ADGRL3: variants seen among roughly 807,000 people sequenced by gnomAD.
ADGRL3 encodes the protein calcium-independent alpha-latrotoxin receptor 3.
A neutral mutation model predicts 153.5 loss-of-function variants in ADGRL3; 62 were observed. The ratio of observed to expected loss-of-function variants is 0.40; its 90% CI spans 0.33 to 0.50. ADGRL3 has a LOEUF of 0.50. ADGRL3 is among the 20% of genes least tolerant of loss of function. The probability of loss-of-function intolerance (pLI) is 0.47; values close to 1 mark genes in which losing one functional copy is unlikely to be tolerated. For synonymous variants in ADGRL3, 710 were observed against 672.5 expected (o/e 1.06, Z -0.86); for missense variants, 1,641 against 1,859.4 (o/e 0.88, Z 2.16).
At chr4:61,757,377 A>G (rs1165717494) in intron 8 of ADGRL3, among the ~76,000 whole-genome samples, 1 of 152,002 alleles carries the variant, frequency 6.6e-6, no homozygotes, top group East Asian at 1.9e-4. Flanking sequence ...GAATTTTTCC[A>G]TTTCTTCTAG....
At chr4:61,600,205 G>A (rs935310282) in intron 5 of ADGRL3, among the ~76,000 whole-genome samples, 1 of 151,226 alleles carries the variant, frequency 6.6e-6, no homozygotes, top group African/African-American at 2.4e-5. Context: ...CTATTCAGGA[G>A]GCTGAGGCAG....
At chr4:61,316,432 G>T (rs2095216667) in intron 1 of ADGRL3, among the ~76,000 whole-genome samples, 1 of 152,138 alleles carries the variant, frequency 6.6e-6, no homozygotes, top group African/African-American at 2.4e-5. Context: ...AATTAGGTTG[G>T]TCAAAAGTAG....
intron 9 of ADGRL3, among the ~76,000 whole-genome samples, chr4:61,818,745 T>C (rs569503847): frequency 2.0e-4 from 30 of 152,220 alleles, no homozygotes; most frequent in African/African-American, 6.5e-4. Flanking sequence ...CTACTTCTTA[T>C]TCGATTTAGG....
chr4:61,605,259 C>T (rs370997759), intron 5 of ADGRL3, among the ~76,000 whole-genome samples: 33 of 151,952 alleles, frequency 2.2e-4, no homozygotes, highest in African/African-American at 7.5e-4. Flanking sequence ...CCTTTAAATT[C>T]GTCTCATTAT....
At chr4:61,644,418 T>C (rs910567590) in intron 5 of ADGRL3, among the ~76,000 whole-genome samples, 11 of 152,168 alleles carry the variant, frequency 7.2e-5, no homozygotes, top group African/African-American at 9.7e-5. Flanking sequence ...CTTTCTCTTG[T>C]GGGCATTTAG....
chr4:61,369,703 T>C lies in ADGRL3; in HGVS notation c.-239-13421T>C, dbSNP rs150479316. ...GGTCTAAAGTTATCCTTTTTGGTTGTGTCTCTGCCCGGTTTGGTATCAGAA... is the reference window on the plus strand; with the variant it reads ...GGTCTAAAGTTATCCTTTTTGGTTGCGTCTCTGCCCGGTTTGGTATCAGAA... On this transcript the variant is annotated intron_variant, in intron 1 of 26. Coordinates refer to ENST00000683033, the MANE Select transcript of ADGRL3 (RefSeq NM_001387552.1). Among the ~76,000 whole-genome samples, 18 of 152,282 alleles carry C rather than the reference T, an allele frequency of 1.2e-4. 1 individual carries two copies. Among genetic ancestry groups the C allele is most frequent in the African/African-American group, 4.3e-4 (18 of 41,562 alleles).
chr4:61,632,089 T>C (rs2093202313), intron 5 of ADGRL3, among the ~76,000 whole-genome samples: 1 of 152,192 alleles, frequency 6.6e-6, no homozygotes, highest in Non-Finnish European at 1.5e-5. Context: ...TAATTACTAA[T>C]AGGACAAGTC....
rs183922195 is a variant in ADGRL3, at chr4:61,706,037, T to C, written c.584-24585T>C. On this transcript the variant is annotated intron_variant, in intron 6 of 26. Coordinates refer to ENST00000683033, the MANE Select transcript of ADGRL3 (RefSeq NM_001387552.1). ...TTAAATTCAAATCTGCATTGGCTTG[T>C]AATAAGAGACTAGCTTGTTACTGAA... 1.3e-3 allele frequency among the ~76,000 whole-genome samples: 196 copies of C among 152,308 alleles called. 2 individuals carry two copies. Among genetic ancestry groups the C allele is most frequent in the African/African-American group, 4.4e-3 (183 of 41,574 alleles).
At chr4:61,476,723 A>AAC (rs2098063026) in intron 2 of ADGRL3, among the ~76,000 whole-genome samples, 1 of 148,364 alleles carries the variant, frequency 6.7e-6, no homozygotes, top group African/African-American at 2.5e-5. Context: ...AAAAAAAAAA[A>AAC]AAAAAAAAAA....
intron 2 of ADGRL3, among the ~76,000 whole-genome samples, chr4:61,393,874 G>T (rs1452177398): frequency 6.6e-6 from 1 of 152,020 alleles, no homozygotes. Flanking sequence ...TAAGACCTCG[G>T]CTGTGTTGTG....
chr4:61,505,673 C>T (rs2098423412), intron 3 of ADGRL3, among the ~76,000 whole-genome samples: 1 of 151,878 alleles, frequency 6.6e-6, no homozygotes, highest in South Asian at 2.1e-4. Context: ...TTTCATTTTA[C>T]TTCTGTAGAT....
intron 8 of ADGRL3, among the ~76,000 whole-genome samples, chr4:61,804,485 ACCT>A (rs1175494050): frequency 1.3e-5 from 2 of 151,064 alleles, no homozygotes; most frequent in South Asian, 2.1e-4. Context: ...TCTGCTAAAA[ACCT>A]CCTCCTCTGA....
At chr4:61,968,563 T>C (rs1428568142) in intron 17 of ADGRL3, among the ~76,000 whole-genome samples, 1 of 152,200 alleles carries the variant, frequency 6.6e-6, no homozygotes, top group Non-Finnish European at 1.5e-5. Context: ...GCCACAATGA[T>C]AGGCATCTTG....
intron 5 of ADGRL3, among the ~76,000 whole-genome samples, chr4:61,647,103 C>A (rs1158060171): frequency 6.6e-6 from 1 of 152,118 alleles, no homozygotes. Context: ...CTTGTGCTTC[C>A]CGAGTGAGGC....
chr4:61,382,699 G>T (rs1008068229), intron 1 of ADGRL3, among the ~76,000 whole-genome samples: 3 of 151,730 alleles, frequency 2.0e-5, no homozygotes, highest in Non-Finnish European at 4.4e-5. Flanking sequence ...GATTAGATGT[G>T]CTAAGGTGCT....
chr4:61,857,860 G>C (rs1037205068), intron 9 of ADGRL3, among the ~76,000 whole-genome samples: 5 of 152,078 alleles, frequency 3.3e-5, no homozygotes, highest in African/African-American at 1.2e-4. Context: ...CTGCAGGCAA[G>C]CACCACCATT....
rs200454342 is a variant in ADGRL3, at chr4:61,797,903, C to T, written c.1400-15906C>T. Among the ~76,000 whole-genome samples, 5 of 152,136 alleles carry T rather than the reference C, an allele frequency of 3.3e-5. No individual in the cohort carries two copies. In the East Asian group the frequency reaches 5.8e-4, roughly 18 times the overall value. ...AATAATGTATTGTCATACTTGTTAG[C>T]GATTTTATTTTCACAGTCACCTCTT... On this transcript the variant is annotated intron_variant, in intron 8 of 26. Transcript: ENST00000683033.
chr4:61,361,951 A>G (rs962242661), intron 1 of ADGRL3, among the ~76,000 whole-genome samples: 2 of 150,158 alleles, frequency 1.3e-5, no homozygotes, highest in Admixed American at 6.7e-5. Context: ...TCTCTGAGGA[A>G]GGCTTTTTTT....
chr4:61,675,405 A>T lies in ADGRL3; in HGVS notation c.474-1421A>T, dbSNP rs116096858. On this transcript the variant is annotated intron_variant, in intron 5 of 26. Coordinates refer to ENST00000683033, the MANE Select transcript of ADGRL3 (RefSeq NM_001387552.1). The stretch of plus-strand genomic sequence containing the variant: ...TAGTGCCAATATTATGGGTAGGAAA[A>T]ACCATTAGCTTTTTATAGACAATAT... Among the ~76,000 whole-genome samples, 400 of 152,044 alleles carry T rather than the reference A, an allele frequency of 2.6e-3. 8 individuals are homozygous for T. Among genetic ancestry groups the T allele is most frequent in the African/African-American group, 9.1e-3 (380 of 41,534 alleles).
Sources: allele counts gnomAD v4.1 joint callset (sites outside exome capture counted in the v4.1 genomes callset), GRCh38; gene constraint gnomAD v4.1.1; transcripts MANE v1.5; gene names NCBI Gene and HGNC (gene_info 2026-07-23, HGNC 2026-07-21).